Variants in TDRD6 observed in about 807,000 individuals in gnomAD.
TDRD6 encodes tudor domain containing 6.
TDRD6 carries 186 observed loss-of-function variants against 157.5 expected under a neutral mutation model. That is an observed-to-expected ratio of 1.18 (90% confidence interval 1.05 to 1.33). The LOEUF is 1.33. TDRD6 is among the 40% of genes most tolerant of loss of function. The pLI, the probability that TDRD6 is intolerant of heterozygous loss-of-function variation, is 0.00. For missense variants in TDRD6, 3,066 were observed against 2,508.0 expected, an observed-to-expected ratio of 1.22 and a Z score of -4.75; for synonymous variants, 1,075 against 945.2, an observed-to-expected ratio of 1.14 and a Z score of -2.52.
Position 46,701,909 on chromosome 6 carries a change from C to T in TDRD6, c.*22C>T, listed in dbSNP as rs746404292. On this transcript the variant is annotated 3_prime_UTR_variant, in exon 4 of 4. Coordinates refer to ENST00000316081, the MANE Select transcript of TDRD6 (RefSeq NM_001010870.3). ...TTAACCGTGGATCTATAGCTGTGGC[C>T]AATCAGTCAGAAGCTGCCCTTGAAC... 5 of 1,610,396 alleles carry T rather than the reference C, an allele frequency of 3.1e-6. No individual in the cohort carries two copies. The highest frequency in any genetic ancestry group is 3.4e-6 in the Non-Finnish European group (4 of 1,177,512).
chr6:46,680,935 A>G, the TDRD6 span, among the ~76,000 whole-genome samples: 3 of 152,218 alleles, frequency 2.0e-5, no homozygotes, highest in Admixed American at 1.3e-4. Flanking sequence ...TGAAGCCTTC[A>G]GTATCTTCAG....
rs760733091 is a variant in TDRD6 at position 46,689,314 on chromosome 6, C to T, written c.1186C>T (p.Leu396=). 8.1e-6 allele frequency: 13 copies of T among 1,614,022 alleles called. No homozygotes were observed. Among genetic ancestry groups the T allele is most frequent in the African/African-American group, 1.3e-5 (1 of 74,916 alleles). The change falls in exon 1 of 4, where the codon CTG becomes TTG. Residue 396 remains leucine, a synonymous_variant. Transcript: ENST00000316081. ...RGWSRSQVGD[L]KTLILGKAVN... is the part of the protein sequence containing the mutation. ...CTGGTCTCGGTCACAGGTCGGTGAC[C>T]TGAAGACACTGATACTAGGCAAGGC...
chr6:46,687,311 G>C (rs1389542553), upstream of TDRD6, among the ~76,000 whole-genome samples: 1 of 152,178 alleles, frequency 6.6e-6, no homozygotes, highest in East Asian at 1.9e-4. Context: ...CAGCAAAGGA[G>C]CAAAGGAACC....
In TDRD6 at chr6:46,690,683, T is replaced by C. The variant is rs1175640310; in HGVS notation, c.2555T>C (p.Val852Ala). ...QSVEHVNVTF[V>A]DYGDREMVSV... ...GTGGAGCATGTCAATGTAACATTTG[T>C]AGATTATGGAGACAGAGAAATGGTA... The change falls in exon 1 of 4, where the codon GTA (valine) becomes GCA (alanine). Residue 852 changes from valine (V) to alanine (A), a missense_variant. Val to Ala is a moderately conservative substitution (Grantham distance 64, BLOSUM62 0). Transcript: ENST00000316081. 2 of 1,614,208 alleles carry C rather than the reference T, an allele frequency of 1.2e-6. No individual in the cohort carries two copies. The highest frequency in any genetic ancestry group is 1.7e-6 in the Non-Finnish European group (2 of 1,180,014).
Position 46,688,152 on chromosome 6 carries a change from GGCGCCGGGGGCCTCGCTGGCCCT to G in TDRD6, c.28_50del (p.Pro10GlyfsTer142). The G allele has an allele frequency of 6.5e-7, 1 of 1,542,918 alleles. No individual in the cohort carries two copies. The highest frequency in any genetic ancestry group is 1.2e-5 in the South Asian group (1 of 84,960). On this transcript the variant is annotated frameshift_variant, in exon 1 of 4. Coordinates refer to ENST00000316081, the MANE Select transcript of TDRD6 (RefSeq NM_001010870.3). LOFTEE classifies it high-confidence loss of function. ...AGATGTGCTCGACGCCCGGAATGCC[GGCGCCGGGGGCCTCGCTGGCCCT>G]GCGGGTGTCCTTCGTGGACGTGCAT...
chr6:46,693,504 A>AC lies in TDRD6; in HGVS notation c.5377dup (p.Leu1793ProfsTer4). On this transcript the variant is annotated frameshift_variant, in exon 1 of 4. Transcript: ENST00000316081. LOFTEE classifies it high-confidence loss of function. ...GCAAAGATAAAATTGATACTGAGGA[A>AC]CTGGAAGGTGAATTAGAGTGCCATC... The AC allele has an allele frequency of 6.2e-7, 1 of 1,613,866 alleles. No individual in the cohort carries two copies. The highest frequency in any genetic ancestry group is 8.5e-7 in the Non-Finnish European group (1 of 1,179,908).
In TDRD6 at chr6:46,688,173, C is replaced by T. The variant is rs1464105864; in HGVS notation, c.45C>T (p.Ala15=). Residue 15 remains alanine, a synonymous_variant, in exon 1 of 4, where the codon GCC becomes GCT. Transcript: ENST00000316081. ...PGMPAPGASL[A]LRVSFVDVHP... ...TGCCGGCGCCGGGGGCCTCGCTGGC[C>T]CTGCGGGTGTCCTTCGTGGACGTGC... The T allele has an allele frequency of 9.0e-6, 14 of 1,550,010 alleles. No individual in the cohort carries two copies. The highest frequency in any genetic ancestry group is 1.4e-5 in the African/African-American group (1 of 72,624).
rs1210606220 is a variant in TDRD6 at position 46,693,623 on chromosome 6, T to A, written c.5495T>A (p.Leu1832Gln). Residue 1832 changes from leucine to glutamine, a missense_variant, in exon 1 of 4, where the codon CTG becomes CAG. Coordinates refer to ENST00000316081, the MANE Select transcript of TDRD6 (RefSeq NM_001010870.3). The part of the protein sequence containing the change: ...HANETKEILE[L>Q]NSLEVPLSPD... Reference sequence around the variant, plus strand: ...AATGAAACAAAGGAGATACTAGAACTGAATTCACTTGAGGTGCCGCTTTCT... The same window carrying A: ...AATGAAACAAAGGAGATACTAGAACAGAATTCACTTGAGGTGCCGCTTTCT... The A allele has an allele frequency of 6.2e-7, 1 of 1,614,066 alleles. No homozygotes were observed. The highest frequency in any genetic ancestry group is 8.5e-7 in the Non-Finnish European group (1 of 1,180,046).
the TDRD6 span, among the ~76,000 whole-genome samples, chr6:46,680,323 C>T: frequency 2.0e-5 from 3 of 148,584 alleles, no homozygotes; most frequent in South Asian, 2.2e-4. Flanking sequence ...AGACTCTGTC[C>T]GTGAAAGAAA....
intron 3 of TDRD6, chr6:46,701,051 C>A: frequency 2.2e-6 from 1 of 453,552 alleles, no homozygotes; most frequent in Non-Finnish European, 4.5e-6. Context: ...GTGGGTGATA[C>A]CACTATTAAA....
rs1764152744 is a variant in TDRD6 at position 46,688,005 on chromosome 6, C to T, written c.-124C>T. ...GAGAAAAGGCCTCGCCGGCATTCTT[C>T]CCCTCCACTGGGTCCTTTGAACCTA... On this transcript the variant is annotated 5_prime_UTR_variant, in exon 1 of 4. Coordinates refer to ENST00000316081, the MANE Select transcript of TDRD6 (RefSeq NM_001010870.3). 4.5e-6 allele frequency: 6 copies of T among 1,345,854 alleles called. No individual in the cohort carries two copies. In the South Asian group the frequency reaches 6.7e-5, roughly 15 times the overall value. 83.4% of individuals were successfully genotyped at this position (1,345,854 alleles called of 1,614,324 possible).
chr6:46,692,303 A>T lies in TDRD6; in HGVS notation c.4175A>T (p.Asn1392Ile). Residue 1392 changes from asparagine to isoleucine, a missense_variant, in exon 1 of 4, where the codon AAT becomes ATT. By Grantham distance (149) the Asn-to-Ile change is moderately radical. Coordinates refer to ENST00000316081, the MANE Select transcript of TDRD6 (RefSeq NM_001010870.3). ...TCTGTGCAGTTTATAGATTATGGCA[A>T]TGTTTCTGTGGTTCATACTAACAAA... ...LLSVQFIDYG[N>I]VSVVHTNKIG... The T allele has an allele frequency of 3.1e-6, 5 of 1,614,140 alleles. No individual in the cohort carries two copies. In the Middle Eastern group the frequency reaches 6.6e-4, roughly 213 times the overall value.
chr6:46,684,363 ATTTG>A (rs1764036294), upstream of TDRD6, among the ~76,000 whole-genome samples: 1 of 104,294 alleles, frequency 9.6e-6, no homozygotes, highest in African/African-American at 3.5e-5. Context: ...ATAAGCACAC[ATTTG>A]TGTGTGTGTG....
rs760818119 is a variant in TDRD6 at position 46,690,150 on chromosome 6, G to A, written c.2022G>A (p.Lys674=). 1 of 1,613,252 alleles carries A rather than the reference G, an allele frequency of 6.2e-7. No individual in the cohort carries two copies. The highest frequency in any genetic ancestry group is 1.6e-4 in the Middle Eastern group (1 of 6,062). The change falls in exon 1 of 4, where the codon AAG becomes AAA. Residue 674 remains lysine, a synonymous_variant. Transcript: ENST00000316081. ...CCAAGTATCAGGAATTTGAAACAAA[G>A]GAAAATATCCTGGTAAATGCCCACT... ...GYAKYQEFET[K]ENILVNAHSP... is the part of the protein sequence containing the mutation.
chr6:46,688,550 C>CCA lies in TDRD6; in HGVS notation c.422_423insCA (p.Gly142ArgfsTer110). On this transcript the variant is annotated frameshift_variant, in exon 1 of 4. Transcript: ENST00000316081. LOFTEE classifies it high-confidence loss of function. ...GGCCTGGTGCCGGCAGGCTGCGGCGCGGGCTCAGGCGAGCCGCCGCAGCAC... is the reference window on the plus strand; with the variant it reads ...GGCCTGGTGCCGGCAGGCTGCGGCGCCAGGGCTCAGGCGAGCCGCCGCAGCAC... The CCA allele has an allele frequency of 6.3e-7, 1 of 1,580,132 alleles. No homozygotes were observed. The highest frequency in any genetic ancestry group is 8.6e-7 in the Non-Finnish European group (1 of 1,169,554).
Position 46,691,220 on chromosome 6 carries a change from C to G in TDRD6, c.3092C>G (p.Thr1031Arg), listed in dbSNP as rs773593722. The G allele has an allele frequency of 6.2e-7, 1 of 1,613,560 alleles. No homozygotes were observed. Among genetic ancestry groups the G allele is most frequent in the East Asian group, 2.2e-5 (1 of 44,866 alleles). Residue 1031 changes from threonine (T) to arginine (R), a missense_variant, in exon 1 of 4, where the codon ACA becomes AGA. By Grantham distance (71) the Thr-to-Arg change is moderately conservative (BLOSUM62 -1). Transcript: ENST00000316081. The part of the protein sequence containing the change: ...QLSKVLLNLK[T>R]SPLNPGTLCL... ...AGTAAAGTTTTGCTGAATTTAAAAA[C>G]ATCTCCCTTGAACCCTGGAACCTTG...
At position 46,693,953 on chromosome 6, in the gene TDRD6, A is replaced by G; in HGVS notation, c.5825A>G (p.Lys1942Arg). 1 of 1,613,798 alleles carries G rather than the reference A, an allele frequency of 6.2e-7. No homozygotes were observed. The highest frequency in any genetic ancestry group is 8.5e-7 in the Non-Finnish European group (1 of 1,179,868). The change falls in exon 1 of 4, where the codon AAG (lysine) becomes AGG (arginine). Residue 1942 changes from lysine (K) to arginine (R), a missense_variant. Physicochemically the swap from Lys to Arg is conservative, Grantham distance 26 (BLOSUM62 2). Transcript: ENST00000316081. ...QESMCTEDMR[K>R]SSCVESFDDQ... ...TCCATGTGTACTGAGGACATGAGAA[A>G]GTCAAGTTGTGTAGAATCTTTTGAT... is the stretch of plus-strand genomic sequence containing the variant.
Position 46,692,676 on chromosome 6 carries a change from A to G in TDRD6, c.4548A>G (p.Pro1516=). 6.2e-7 allele frequency: 1 copy of G among 1,613,738 alleles called. No individual in the cohort carries two copies. Among genetic ancestry groups the G allele is most frequent in the Non-Finnish European group, 8.5e-7 (1 of 1,179,918 alleles). Residue 1516 remains proline, a synonymous_variant, in exon 1 of 4, where the codon CCA becomes CCG. Transcript: ENST00000316081. Reference sequence around the variant, plus strand: ...CAGTATTTCTTAACTGGTATAATCCAGAAAAAAAAATGATAAGAGCTTATG... The same window carrying G: ...CAGTATTTCTTAACTGGTATAATCCGGAAAAAAAAATGATAAGAGCTTATG... The part of the protein sequence containing the change: ...DTSVFLNWYN[P]EKKMIRAYAT...
Position 46,692,268 on chromosome 6 carries a change from T to A in TDRD6, c.4140T>A (p.Asn1380Lys), listed in dbSNP as rs889445987. ...YRAVIKEQQPNDLLSVQFIDY... is the reference protein window; with the variant it reads ...YRAVIKEQQPKDLLSVQFIDY... ...CTGTGATCAAGGAGCAACAACCCAA[T>A]GACCTTCTCTCTGTGCAGTTTATAG... Residue 1380 changes from asparagine to lysine, a missense_variant, in exon 1 of 4, where the codon AAT (asparagine) becomes AAA (lysine). By Grantham distance (94) the Asn-to-Lys change is moderately conservative. Coordinates refer to ENST00000316081, the MANE Select transcript of TDRD6 (RefSeq NM_001010870.3). The A allele has an allele frequency of 4.3e-6, 7 of 1,613,960 alleles. No individual in the cohort carries two copies. The highest frequency in any genetic ancestry group is 5.1e-6 in the Non-Finnish European group (6 of 1,179,954).
Sources: allele counts gnomAD v4.1 joint callset (sites outside exome capture counted in the v4.1 genomes callset), GRCh38; gene constraint gnomAD v4.1.1; transcripts MANE v1.5; gene names NCBI Gene and HGNC (gene_info 2026-07-23, HGNC 2026-07-21).